DACH1: variants seen among roughly 807,000 people sequenced by gnomAD.
The protein encoded by DACH1 is dachshund family transcription factor 1, also known as dachshund homolog 1.
Under a neutral mutation model 54.2 loss-of-function variants are expected in DACH1, and 12 were observed. The observed-to-expected ratio is 0.22, with a 90% confidence interval of 0.14 to 0.36. The LOEUF is 0.36. Among genes scored for constraint, DACH1 ranks in the 10% least tolerant of loss-of-function variants. The probability of loss-of-function intolerance (pLI) is 1.00; values close to 1 mark genes in which losing one functional copy is unlikely to be tolerated. For synonymous variants in DACH1, 386 were observed against 366.2 expected (o/e 1.05, Z -0.62); for missense variants, 805 against 929.8 (o/e 0.87, Z 1.75).
intron 6 of DACH1, among the ~76,000 whole-genome samples, chr13:71,526,714 A>G (rs74095961): frequency 0.018 from 2,638 of 150,434 alleles, 76 homozygotes; most frequent in African/African-American, 0.06. Flanking sequence ...GTGTATATAT[A>G]TATATATATA....
intron 3 of DACH1, among the ~76,000 whole-genome samples, chr13:71,624,409 A>G (rs185822634): frequency 7.2e-5 from 11 of 152,004 alleles, no homozygotes; most frequent in African/African-American, 2.6e-4. Context: ...TAAACTACTT[A>G]TATATTAATT....
intron 3 of DACH1, among the ~76,000 whole-genome samples, chr13:71,619,015 G>A (rs1197938168): frequency 6.6e-6 from 1 of 151,266 alleles, no homozygotes; most frequent in East Asian, 1.9e-4. Flanking sequence ...ATATTTAAAT[G>A]TTTTCTAGAA....
chr13:71,825,284 T>C (rs963890064), intron 1 of DACH1, among the ~76,000 whole-genome samples: 1 of 152,148 alleles, frequency 6.6e-6, no homozygotes, highest in Non-Finnish European at 1.5e-5. Context: ...ATCCAAGCTA[T>C]TTAATATACT....
chr13:71,812,609 A>G (rs1248250119), intron 1 of DACH1, among the ~76,000 whole-genome samples: 2 of 150,660 alleles, frequency 1.3e-5, no homozygotes, highest in Non-Finnish European at 2.9e-5. Flanking sequence ...AGGAAAATTA[A>G]CAGTTCCCTA....
chr13:71,505,718 C>A (rs572508913), intron 6 of DACH1, among the ~76,000 whole-genome samples: 1 of 152,084 alleles, frequency 6.6e-6, no homozygotes, highest in African/African-American at 2.4e-5. Flanking sequence ...AGTTATCTTT[C>A]ATTACTTATT....
intron 1 of DACH1, among the ~76,000 whole-genome samples, chr13:71,763,486 T>G (rs1441800234): frequency 6.6e-6 from 1 of 152,184 alleles, no homozygotes; most frequent in Non-Finnish European, 1.5e-5. Flanking sequence ...TTCAGCCTGT[T>G]TGGTTGGAAT....
Position 71,741,006 on chromosome 13 carries a change from T to G in DACH1, c.849-59096A>C, listed in dbSNP as rs79765619. 2.0e-4 allele frequency among the ~76,000 whole-genome samples: 30 copies of G among 152,274 alleles called. 1 individual carries two copies. In the East Asian group the frequency reaches 5.6e-3, roughly 28 times the overall value. ...TGAAGATAACATGAAATGGCCCACA[T>G]CAGCCCAGTAGCAATATACTCTCAA... On this transcript the variant is annotated intron_variant, in intron 1 of 10. Transcript: ENST00000613252.
At chr13:71,741,439 A>G (rs1884381957) in intron 1 of DACH1, among the ~76,000 whole-genome samples, 1 of 152,198 alleles carries the variant, frequency 6.6e-6, no homozygotes, top group Non-Finnish European at 1.5e-5. Flanking sequence ...ATTATGGTTA[A>G]GGGGAAGTAT....
intron 1 of DACH1, among the ~76,000 whole-genome samples, chr13:71,829,311 T>A (rs899030694): frequency 6.6e-6 from 1 of 151,946 alleles, no homozygotes; most frequent in Non-Finnish European, 1.5e-5. Context: ...ATAAATAAAA[T>A]CCTGATCTTA....
At chr13:71,637,108 C>T (rs1027229545) in intron 2 of DACH1, among the ~76,000 whole-genome samples, 1 of 151,978 alleles carries the variant, frequency 6.6e-6, no homozygotes, top group East Asian at 1.9e-4. Context: ...AATACAGTGG[C>T]TGGGGGGAGA....
intron 7 of DACH1, among the ~76,000 whole-genome samples, chr13:71,484,910 T>A (rs950856733): frequency 6.6e-6 from 1 of 151,910 alleles, no homozygotes; most frequent in Non-Finnish European, 1.5e-5. Flanking sequence ...AAATGCTTTT[T>A]AAAAATTGCC....
At chr13:71,763,533 T>TG (rs1379460571) in intron 1 of DACH1, among the ~76,000 whole-genome samples, 2 of 109,016 alleles carry the variant, frequency 1.8e-5, no homozygotes, top group East Asian at 1.2e-3. Flanking sequence ...AGCTCTTCCC[T>TG]GATTTTTTTT....
At chr13:71,646,331 C>A (rs1878266022) in intron 2 of DACH1, among the ~76,000 whole-genome samples, 1 of 150,486 alleles carries the variant, frequency 6.6e-6, no homozygotes, top group Non-Finnish European at 1.5e-5. Flanking sequence ...GAGCAAAACT[C>A]CGTCTCAAAA....
chr13:71,771,315 GGATAAATAAATAAATAAATA>G (rs1298509954), intron 1 of DACH1, among the ~76,000 whole-genome samples: 9 of 140,814 alleles, frequency 6.4e-5, no homozygotes, highest in East Asian at 5.9e-4. Flanking sequence ...AGAAGCAAAA[GGATAAATAAATAAATAAATA>G]AATAAATAAA....
intron 1 of DACH1, among the ~76,000 whole-genome samples, chr13:71,790,725 TAA>T (rs1886797999): frequency 1.3e-5 from 2 of 152,218 alleles, no homozygotes; most frequent in Non-Finnish European, 2.9e-5. Flanking sequence ...CTAATGTTAG[TAA>T]CTTCCAGGTG....
intron 1 of DACH1, among the ~76,000 whole-genome samples, chr13:71,774,425 C>T (rs1885981900): frequency 6.6e-6 from 1 of 152,118 alleles, no homozygotes; most frequent in Admixed American, 6.6e-5. Flanking sequence ...TCTTCATCTG[C>T]AGCCTTGTGA....
intron 1 of DACH1, among the ~76,000 whole-genome samples, chr13:71,700,005 T>A (rs1410296700): frequency 6.6e-6 from 1 of 152,228 alleles, no homozygotes; most frequent in Non-Finnish European, 1.5e-5. Flanking sequence ...ATTTTACCAA[T>A]TATTTTTTGT....
At chr13:71,450,710 GAAATT>G (rs1874960700) in intron 10 of DACH1, among the ~76,000 whole-genome samples, 1 of 151,902 alleles carries the variant, frequency 6.6e-6, no homozygotes, top group Non-Finnish European at 1.5e-5. Flanking sequence ...GTTCTTGAAG[GAAATT>G]AAAAGCTACT....
At chr13:71,730,900 A>C (rs1025834502) in intron 1 of DACH1, among the ~76,000 whole-genome samples, 2 of 152,100 alleles carry the variant, frequency 1.3e-5, no homozygotes, top group African/African-American at 4.8e-5. Context: ...TCTTAATTTC[A>C]GAATGTAGTT....
Sources: allele counts gnomAD v4.1 joint callset (sites outside exome capture counted in the v4.1 genomes callset), GRCh38; gene constraint gnomAD v4.1.1; transcripts MANE v1.5; gene names NCBI Gene and HGNC (gene_info 2026-07-23, HGNC 2026-07-21).